Variants in SUGCT observed in about 807,000 individuals in gnomAD.
The protein encoded by SUGCT is succinyl-CoA:glutarate-CoA transferase, also known as succinyl-CoA:glutarate CoA-transferase.
SUGCT carries 41 observed loss-of-function variants against 55.0 expected under a neutral mutation model. The observed-to-expected ratio is 0.74, with a 90% CI of 0.58 to 0.97. The LOEUF is 0.97. Ranked by LOEUF, SUGCT falls within the 50% of genes least tolerant of loss-of-function variation. The pLI is 0.00. For missense variants in SUGCT, 568 were observed against 547.8 expected (o/e 1.04, Z -0.37); for synonymous variants, 187 against 200.4 (o/e 0.93, Z 0.56).
intron 12 of SUGCT, among the ~76,000 whole-genome samples, chr7:40,676,757 C>G (rs1222997878): frequency 1.3e-5 from 2 of 152,094 alleles, no homozygotes; most frequent in African/African-American, 4.8e-5. Context: ...CCCACCTTGG[C>G]CTCCCAAAGT....
chr7:40,671,810 A>T (rs1159192889), intron 12 of SUGCT, among the ~76,000 whole-genome samples: 2 of 152,180 alleles, frequency 1.3e-5, no homozygotes, highest in African/African-American at 2.4e-5. Context: ...TTCCTGTCAA[A>T]ATCCAAGCAA....
chr7:40,213,350 A>G (rs1762025951), intron 6 of SUGCT, among the ~76,000 whole-genome samples: 1 of 152,120 alleles, frequency 6.6e-6, no homozygotes, highest in Non-Finnish European at 1.5e-5. Flanking sequence ...GATATTTTGT[A>G]GATGTCCTTC....
intron 12 of SUGCT, among the ~76,000 whole-genome samples, chr7:40,588,202 C>T (rs1404334308): frequency 6.6e-6 from 1 of 151,616 alleles, no homozygotes; most frequent in East Asian, 1.9e-4. Context: ...GCGCCCAGCC[C>T]TCCTTTTGTA....
At chr7:41,010,807 AT>A in the SUGCT span, among the ~76,000 whole-genome samples, 1 of 152,236 alleles carries the variant, frequency 6.6e-6, no homozygotes, top group African/African-American at 2.4e-5. Flanking sequence ...AAGAAAAAAA[AT>A]AAAACGATGT....
At chr7:40,772,553 TCTATCTATCTGGTGTTATCTATCTG>T (rs1789199407) in intron 13 of SUGCT, among the ~76,000 whole-genome samples, 6 of 143,550 alleles carry the variant, frequency 4.2e-5, no homozygotes, top group South Asian at 2.2e-4. Context: ...TATCTATCTA[TCTATCTATCTGGTGTTATCTATCTG>T]CTATCTATCT....
chr7:40,675,429 G>T (rs1050539724), intron 12 of SUGCT, among the ~76,000 whole-genome samples: 7 of 152,226 alleles, frequency 4.6e-5, no homozygotes, highest in Non-Finnish European at 1.5e-5. Flanking sequence ...ATATATATTT[G>T]TATGTGTAGA....
chr7:40,690,414 C>T (rs1203839686), intron 12 of SUGCT, among the ~76,000 whole-genome samples: 3 of 152,112 alleles, frequency 2.0e-5, no homozygotes. Context: ...TACTTCTTCC[C>T]TATGCCTAAT....
At chr7:40,611,165 T>C (rs1798753128) in intron 12 of SUGCT, among the ~76,000 whole-genome samples, 2 of 152,184 alleles carry the variant, frequency 1.3e-5, no homozygotes, top group Non-Finnish European at 2.9e-5. Flanking sequence ...GTAATATGTC[T>C]CCAGAATAAC....
chr7:40,834,029 G>C (rs1224722254), intron 13 of SUGCT, among the ~76,000 whole-genome samples: 1 of 152,122 alleles, frequency 6.6e-6, no homozygotes. Context: ...CTCCAGGGTT[G>C]GTGAGTTCTC....
At chr7:40,932,837 A>G in the SUGCT span, among the ~76,000 whole-genome samples, 1 of 150,340 alleles carries the variant, frequency 6.7e-6, no homozygotes. Context: ...TCTGCACATG[A>G]GATGGGTCTC....
intron 9 of SUGCT, among the ~76,000 whole-genome samples, chr7:40,433,218 T>C (rs928079779): frequency 6.6e-6 from 1 of 152,178 alleles, no homozygotes; most frequent in African/African-American, 2.4e-5. Flanking sequence ...CCTGAGGCCA[T>C]TGAACATCCT....
intron 12 of SUGCT, among the ~76,000 whole-genome samples, chr7:40,723,273 T>A (rs1786443781): frequency 6.6e-6 from 1 of 152,160 alleles, no homozygotes; most frequent in South Asian, 2.1e-4. Context: ...TGAAACTGAC[T>A]TGACTTCTCC....
chr7:40,176,447 T>C (rs1784926085), intron 1 of SUGCT, among the ~76,000 whole-genome samples: 1 of 152,166 alleles, frequency 6.6e-6, no homozygotes, highest in South Asian at 2.1e-4. Context: ...AATTTATCTT[T>C]TAATTTTTAA....
intron 9 of SUGCT, among the ~76,000 whole-genome samples, chr7:40,419,089 T>TG (rs1346777660): frequency 6.6e-6 from 1 of 152,182 alleles, no homozygotes; most frequent in East Asian, 1.9e-4. Context: ...TTTGTCTTAA[T>TG]GAGATGCAGC....
chr7:40,570,848 C>CCCCTTTTTTTTTTTTTT (rs1796405219), intron 12 of SUGCT, among the ~76,000 whole-genome samples: 1 of 93,854 alleles, frequency 1.1e-5, no homozygotes, highest in African/African-American at 5.4e-5. Flanking sequence ...AAGCTTTAGG[C>CCCCTTTTTTTTTTTTTT]TCTTTTTTTT....
intron 11 of SUGCT, among the ~76,000 whole-genome samples, chr7:40,465,611 A>G (rs957959496): frequency 5.9e-5 from 9 of 152,162 alleles, no homozygotes; most frequent in African/African-American, 2.2e-4. Flanking sequence ...CTCTGTCTCA[A>G]AAAGAAAAAA....
Position 40,142,234 on chromosome 7 carries a change from A to G in SUGCT, c.100+7114A>G, listed in dbSNP as rs566555983. Among the ~76,000 whole-genome samples, 3 of 152,308 alleles carry G rather than the reference A, an allele frequency of 2.0e-5. No homozygotes were observed. The South Asian group carries it at 6.2e-4, about 32-fold the overall frequency. ...TGGAATGAGTCAGGGTAGAGCAGAT[A>G]ATTGAAAAAGGTTGCTTTACCAGGA... On this transcript the variant is annotated intron_variant, in intron 1 of 13. Transcript: ENST00000335693.
At chr7:40,370,713 G>C (rs906696203) in intron 9 of SUGCT, among the ~76,000 whole-genome samples, 1 of 151,904 alleles carries the variant, frequency 6.6e-6, no homozygotes, top group Non-Finnish European at 1.5e-5. Context: ...TAAGATTTGG[G>C]AGGATTTCCT....
chr7:40,338,480 C>T (rs1796844573), intron 9 of SUGCT, among the ~76,000 whole-genome samples: 2 of 152,170 alleles, frequency 1.3e-5, no homozygotes, highest in Admixed American at 6.5e-5. Context: ...CTTCTCTTCT[C>T]ACTTCATTTC....
Sources: allele counts gnomAD v4.1 joint callset (sites outside exome capture counted in the v4.1 genomes callset), GRCh38; gene constraint gnomAD v4.1.1; transcripts MANE v1.5; gene names NCBI Gene and HGNC (gene_info 2026-07-23, HGNC 2026-07-21).